The following E2F3 variants were observed in gnomAD, a reference collection of about 807,000 sequenced individuals.
E2F3 encodes transcription factor E2F3.
E2F3 carries 11 observed loss-of-function variants against 44.4 expected under a neutral mutation model. The observed-to-expected ratio is 0.25, with a 90% CI of 0.16 to 0.41. The LOEUF (loss-of-function observed/expected upper bound fraction) is 0.41. E2F3 is among the 10% of genes least tolerant of loss of function. E2F3 has a pLI of 1.00. For synonymous variants in E2F3, 249 were observed against 253.0 expected, an observed-to-expected ratio of 0.98 and a Z score of 0.15; for missense variants, 487 against 583.6, an observed-to-expected ratio of 0.83 and a Z score of 1.70.
intron 1 of E2F3, among the ~76,000 whole-genome samples, chr6:20,434,249 G>A (rs562346672): frequency 7.9e-5 from 12 of 152,190 alleles, no homozygotes; most frequent in African/African-American, 2.7e-4. Context: ...GCAAATCCAC[G>A]TTGTGGTATA....
chr6:20,435,000 G>A (rs1263722062), intron 1 of E2F3, among the ~76,000 whole-genome samples: 1 of 152,252 alleles, frequency 6.6e-6, no homozygotes, highest in African/African-American at 2.4e-5. Context: ...GGCGTCAGCC[G>A]TGGATGCTCT....
intron 1 of E2F3, among the ~76,000 whole-genome samples, chr6:20,410,768 GC>G (rs1172129833): frequency 6.6e-6 from 1 of 152,098 alleles, no homozygotes; most frequent in African/African-American, 2.4e-5. Context: ...ACAGGTGTGC[GC>G]CACCACGCCC....
In E2F3 at chr6:20,492,210, C is replaced by T. The variant is rs1166799333; in HGVS notation, c.*1780C>T. ...CAGCCAGTTTACTCCAGGTAGATTTCCACAATATGCAAAGTGGTGGTGGGG... is the reference window on the plus strand; with the variant it reads ...CAGCCAGTTTACTCCAGGTAGATTTTCACAATATGCAAAGTGGTGGTGGGG... On this transcript the variant is annotated 3_prime_UTR_variant, in exon 7 of 7. Coordinates refer to ENST00000346618, the MANE Select transcript of E2F3 (RefSeq NM_001949.5). The T allele has an allele frequency of 4.4e-6, 1 of 228,452 alleles. No homozygotes were observed. The highest frequency in any genetic ancestry group is 8.7e-6 in the Non-Finnish European group (1 of 115,176). 14.2% of individuals were successfully genotyped at this position (228,452 alleles called of 1,614,324 possible). A position where few individuals can be genotyped will look rare whatever the true frequency, so the allele number is the denominator to read the frequency against.
chr6:20,439,145 T>C (rs1423916242), intron 1 of E2F3, among the ~76,000 whole-genome samples: 2 of 152,254 alleles, frequency 1.3e-5, no homozygotes, highest in African/African-American at 4.8e-5. Context: ...TTTCTACTAA[T>C]TTTCCTAACT....
intron 3 of E2F3, 123 bp downstream of exon 3, chr6:20,481,548 T>G: frequency 1.3e-6 from 1 of 785,042 alleles, no homozygotes; most frequent in Middle Eastern, 2.7e-4. Flanking sequence ...TACTGTTTTC[T>G]TCTCTCTCAT....
chr6:20,439,585 A>ACC (rs1760705154), intron 1 of E2F3, among the ~76,000 whole-genome samples: 1 of 152,142 alleles, frequency 6.6e-6, no homozygotes, highest in Non-Finnish European at 1.5e-5. Context: ...AGGCTTGCAT[A>ACC]CAGTGGCGTG....
At chr6:20,423,296 G>A (rs1378888159) in intron 1 of E2F3, among the ~76,000 whole-genome samples, 1 of 152,138 alleles carries the variant, frequency 6.6e-6, no homozygotes, top group African/African-American at 2.4e-5. Context: ...CTACAAACCT[G>A]TACTGTATGT....
chr6:20,445,191 TCTTC>T (rs1463751958), intron 1 of E2F3: 1 of 953,720 alleles, frequency 1.0e-6, no homozygotes, highest in Non-Finnish European at 1.2e-6. Context: ...ACCAACATCA[TCTTC>T]CTTCCCAGGA....
intron 6 of E2F3, among the ~76,000 whole-genome samples, chr6:20,489,435 A>C (rs1762493312): frequency 6.6e-6 from 1 of 151,944 alleles, no homozygotes; most frequent in Admixed American, 6.6e-5. Flanking sequence ...AATAGCCACT[A>C]CACTCCAGCG....
chr6:20,444,826 T>TCA (rs1229417140), intron 1 of E2F3, among the ~76,000 whole-genome samples: 9 of 152,278 alleles, frequency 5.9e-5, no homozygotes, highest in African/African-American at 2.2e-4. Flanking sequence ...AACCCAAAGG[T>TCA]CTTGGGAAGT....
chr6:20,433,384 C>G (rs1312147215), intron 1 of E2F3, among the ~76,000 whole-genome samples: 1 of 152,184 alleles, frequency 6.6e-6, no homozygotes, highest in African/African-American at 2.4e-5. Flanking sequence ...ATGTGGGCCC[C>G]TGGATAGAAT....
chr6:20,428,808 A>G (rs1308174023), intron 1 of E2F3, among the ~76,000 whole-genome samples: 1 of 152,186 alleles, frequency 6.6e-6, no homozygotes, highest in Non-Finnish European at 1.5e-5. Context: ...TTTGGTCAAC[A>G]TGGATTTGGT....
chr6:20,473,966 G>A (rs933255443), intron 1 of E2F3, among the ~76,000 whole-genome samples: 2 of 152,124 alleles, frequency 1.3e-5, no homozygotes, highest in South Asian at 4.1e-4. Context: ...CATGCTTGGA[G>A]ACTAATAGAA....
At chr6:20,483,043 G>T (rs943756345) in intron 4 of E2F3, 123 bp downstream of exon 4, 2 of 1,419,924 alleles carry the variant, frequency 1.4e-6, no homozygotes, top group Non-Finnish European at 1.9e-6. Flanking sequence ...GTACCTGTGT[G>T]CCTGTGTGTG....
intron 1 of E2F3, among the ~76,000 whole-genome samples, chr6:20,404,274 A>G (rs1317456154): frequency 6.6e-6 from 1 of 151,916 alleles, no homozygotes; most frequent in African/African-American, 2.4e-5. Flanking sequence ...AGCGCCTTTG[A>G]GAGATGATTT....
intron 4 of E2F3, among the ~76,000 whole-genome samples, chr6:20,484,695 G>A (rs897461487): frequency 2.0e-5 from 3 of 152,216 alleles, no homozygotes; most frequent in African/African-American, 7.2e-5. Flanking sequence ...ATTTGAAGGA[G>A]ATAGTCTGTG....
intron 1 of E2F3, among the ~76,000 whole-genome samples, chr6:20,456,594 G>C (rs1281711423): frequency 1.3e-5 from 2 of 152,046 alleles, no homozygotes; most frequent in Non-Finnish European, 2.9e-5. Context: ...AATAGAAATA[G>C]ATTTTGTTAA....
Position 20,490,027 on chromosome 6 carries a change from A to T in E2F3, c.1136-141A>T. On this transcript the variant is annotated intron_variant, in intron 6 of 6. Coordinates refer to ENST00000346618, the MANE Select transcript of E2F3 (RefSeq NM_001949.5). This position sits in a 1 kb window ranked among gnomAD's most constrained non-coding sequence, Gnocchi z 4.3. Reference sequence around the variant, plus strand: ...TTTGTACCTGTTAGCATAAAAGGTGATCTGCATCATAAAGTCGTCTCATTG... The same window carrying T: ...TTTGTACCTGTTAGCATAAAAGGTGTTCTGCATCATAAAGTCGTCTCATTG... 1.1e-6 allele frequency: 1 copy of T among 916,556 alleles called. No homozygotes were observed. Among genetic ancestry groups the T allele is most frequent in the Non-Finnish European group, 1.6e-6 (1 of 626,694 alleles). The allele number at this position is 916,556 out of a possible 1,614,324, so 56.8% of individuals were successfully genotyped here. A position where few individuals can be genotyped will look rare whatever the true frequency, so the allele number is the denominator to read the frequency against.
intron 1 of E2F3, among the ~76,000 whole-genome samples, chr6:20,425,452 G>A (rs1018933171): frequency 4.7e-5 from 7 of 150,102 alleles, no homozygotes; most frequent in Middle Eastern, 3.2e-3. Flanking sequence ...GCAGTGGCAC[G>A]ATCTTGGCTC....
Sources: gnomAD v4.1 joint callset for allele counts (sites outside exome capture counted in the v4.1 genomes callset) on GRCh38, gnomAD v4.1.1 for gene constraint, Gnocchi (gnomAD v3.1) non-coding constraint, MANE v1.5 for transcripts, NCBI Gene and HGNC (gene_info 2026-07-23, HGNC 2026-07-21) for gene names.